CFAP54: variants seen among roughly 807,000 people sequenced by gnomAD.
CFAP54 encodes the protein cilia- and flagella-associated protein 54.
In CFAP54, 290 loss-of-function variants were observed where a neutral mutation model predicts 370.4. The observed-to-expected ratio is 0.78, with a 90% CI of 0.71 to 0.86. The LOEUF (loss-of-function observed/expected upper bound fraction) is 0.86, where lower values mean the gene tolerates loss of function less well. CFAP54 is among the 40% of genes least tolerant of loss of function. The pLI is 0.00. For missense variants in CFAP54, 3,399 were observed against 3,528.7 expected (o/e 0.96, Z 0.93); for synonymous variants, 1,206 against 1,236.5 (o/e 0.98, Z 0.52).
chr12:96,672,828 A>G (rs1004678271), intron 39 of CFAP54, among the ~76,000 whole-genome samples: 1 of 152,244 alleles, frequency 6.6e-6, no homozygotes, highest in African/African-American at 2.4e-5. Flanking sequence ...GGTTGTTATC[A>G]AAATGATGAC....
Position 96,764,940 on chromosome 12 carries a change from A to C in CFAP54, c.8140-137A>C, listed in dbSNP as rs931138650. Reference sequence around the variant, plus strand: ...ATCAGGGATCACATATTATTTTTTCAGGTTGTCTTTATTTTTTCCTCCAAT... The same window carrying C: ...ATCAGGGATCACATATTATTTTTTCCGGTTGTCTTTATTTTTTCCTCCAAT... On this transcript the variant is annotated intron_variant, in intron 59 of 67. Coordinates refer to ENST00000524981, the MANE Select transcript of CFAP54 (RefSeq NM_001306084.2). 19 of 557,988 alleles carry C rather than the reference A, an allele frequency of 3.4e-5. No individual in the cohort carries two copies. The Admixed American group carries it at 4.0e-4, about 12-fold the overall frequency. The allele number at this position is 557,988 out of a possible 1,614,324, so 34.6% of individuals were successfully genotyped here. A position where few individuals can be genotyped will look rare whatever the true frequency, so the allele number is the denominator to read the frequency against.
intron 26 of CFAP54, among the ~76,000 whole-genome samples, chr12:96,612,370 C>T (rs543976546): frequency 2.0e-5 from 3 of 152,202 alleles, no homozygotes; most frequent in African/African-American, 2.4e-5. Flanking sequence ...GCCTGCCCTA[C>T]AAGAGCTCCT....
At chr12:96,633,752 T>C (rs1956633353) in intron 32 of CFAP54, among the ~76,000 whole-genome samples, 1 of 152,238 alleles carries the variant, frequency 6.6e-6, no homozygotes, top group Admixed American at 6.5e-5. Flanking sequence ...AACATTCATG[T>C]GCAGTTTTTA....
At chr12:96,825,477 T>A (rs1256483715) in intron 65 of CFAP54, among the ~76,000 whole-genome samples, 36 of 103,744 alleles carry the variant, frequency 3.5e-4, no homozygotes, top group South Asian at 1.5e-3. Context: ...ATTATATATA[T>A]TATATAACAT....
At chr12:96,728,919 T>A (rs1208213250) in intron 50 of CFAP54, among the ~76,000 whole-genome samples, 1 of 152,260 alleles carries the variant, frequency 6.6e-6, no homozygotes, top group Non-Finnish European at 1.5e-5. Flanking sequence ...GCTGCAGGTC[T>A]GTTGGACTTT....
At chr12:96,863,476 G>A (rs565000985) in intron 67 of CFAP54, among the ~76,000 whole-genome samples, 142 of 152,246 alleles carry the variant, frequency 9.3e-4, no homozygotes, top group African/African-American at 3.3e-3. Flanking sequence ...ACAGTTAGTC[G>A]GAAGTAGAGC....
chr12:96,854,701 A>G (rs1301393309), intron 66 of CFAP54, among the ~76,000 whole-genome samples: 1 of 152,214 alleles, frequency 6.6e-6, no homozygotes, highest in Non-Finnish European at 1.5e-5. Flanking sequence ...TGTAGCCTTT[A>G]TTGAGTCATC....
chr12:96,559,590 T>G (rs1439209471), intron 17 of CFAP54, among the ~76,000 whole-genome samples: 6 of 152,150 alleles, frequency 3.9e-5, no homozygotes, highest in African/African-American at 1.4e-4. Context: ...TATAAATATG[T>G]ATATTTATAC....
rs541225695 is a variant in CFAP54, at chr12:96,614,841, C to T, written c.3640-6749C>T. On this transcript the variant is annotated intron_variant, in intron 26 of 67. Coordinates refer to ENST00000524981, the MANE Select transcript of CFAP54 (RefSeq NM_001306084.2). ...CCTCTTCAAGGAGAACTACAAACCA[C>T]TGCTCAATGAAATAAAAGAGGACAC... Among the ~76,000 whole-genome samples the T allele has an allele frequency of 4.8e-4, 73 of 152,274 alleles. 1 individual carries two copies. The highest frequency in any genetic ancestry group is 1.7e-3 in the African/African-American group (70 of 41,558).
intron 4 of CFAP54, among the ~76,000 whole-genome samples, chr12:96,511,469 C>T (rs905935396): frequency 2.2e-4 from 33 of 152,164 alleles, no homozygotes; most frequent in African/African-American, 8.0e-4. Flanking sequence ...CAGGTGCATA[C>T]CATCACGCCC....
At chr12:96,874,854 T>C (rs1158212571) in intron 67 of CFAP54, among the ~76,000 whole-genome samples, 1 of 151,804 alleles carries the variant, frequency 6.6e-6, no homozygotes, top group African/African-American at 2.4e-5. Flanking sequence ...CCTGACCTCG[T>C]GATCCGCCCG....
intron 49 of CFAP54, among the ~76,000 whole-genome samples, chr12:96,719,060 A>C (rs547410107): frequency 6.6e-6 from 1 of 152,120 alleles, no homozygotes; most frequent in African/African-American, 2.4e-5. Flanking sequence ...CAACAAAGAA[A>C]CATGATTCAT....
chr12:96,837,618 A>G (rs550144405), intron 66 of CFAP54, among the ~76,000 whole-genome samples: 9 of 152,220 alleles, frequency 5.9e-5, no homozygotes, highest in Admixed American at 1.3e-4. Context: ...TCCCCAACAA[A>G]TGTTCAAAAA....
rs71068827 is a variant in CFAP54, at chr12:96,709,701, T to TTTATTATTATTATTATTATTA, written c.6724+910_6724+930dup. On this transcript the variant is annotated intron_variant, in intron 48 of 67. Coordinates refer to ENST00000524981, the MANE Select transcript of CFAP54 (RefSeq NM_001306084.2). ...TGGGATAAGTCCCACTTGATCATGG[T>TTTATTATTATTATTATTATTA]TTATTATTATTATTATTATTATTAT... is the stretch of plus-strand genomic sequence containing the variant. Among the ~76,000 whole-genome samples the TTTATTATTATTATTATTATTA allele has an allele frequency of 2.9e-3, 421 of 144,088 alleles. 1 individual carries two copies. Among genetic ancestry groups the TTTATTATTATTATTATTATTA allele is most frequent in the African/African-American group, 7.1e-3 (276 of 38,978 alleles). 94.5% of individuals were successfully genotyped at this position (144,088 alleles called of 152,430 possible). A position where few individuals can be genotyped will look rare whatever the true frequency, so the allele number is the denominator to read the frequency against.
At chr12:96,693,032 G>A (rs902330348) in intron 44 of CFAP54, among the ~76,000 whole-genome samples, 1 of 152,220 alleles carries the variant, frequency 6.6e-6, no homozygotes, top group South Asian at 2.1e-4. Flanking sequence ...AATATTGATG[G>A]TCTATAAGCC....
intron 55 of CFAP54, among the ~76,000 whole-genome samples, chr12:96,746,484 T>C (rs1958115570): frequency 6.6e-6 from 1 of 152,200 alleles, no homozygotes; most frequent in Non-Finnish European, 1.5e-5. Context: ...TCCAAAGCAT[T>C]TGACATTGCT....
intron 30 of CFAP54, among the ~76,000 whole-genome samples, chr12:96,629,862 T>C (rs1956587294): frequency 6.6e-6 from 1 of 152,198 alleles, no homozygotes. Flanking sequence ...GTTTCTATTA[T>C]TCAACATCTT....
chr12:96,562,090 G>A (rs894214420), intron 17 of CFAP54, among the ~76,000 whole-genome samples: 1 of 151,766 alleles, frequency 6.6e-6, no homozygotes, highest in African/African-American at 2.4e-5. Context: ...CTGACCACAA[G>A]TTCTTTTTGA....
intron 39 of CFAP54, among the ~76,000 whole-genome samples, chr12:96,666,388 T>TA (rs1483890524): frequency 6.6e-6 from 1 of 152,192 alleles, no homozygotes; most frequent in Non-Finnish European, 1.5e-5. Flanking sequence ...TTTTAACTGA[T>TA]AAGCCCTGGA....
Sources: allele counts gnomAD v4.1 joint callset (sites outside exome capture counted in the v4.1 genomes callset), GRCh38; gene constraint gnomAD v4.1.1; transcripts MANE v1.5; gene names NCBI Gene and HGNC (gene_info 2026-07-23, HGNC 2026-07-21).